CFAP97: variants seen among roughly 807,000 people sequenced by gnomAD.
CFAP97 encodes the protein cilia and flagella associated protein 97.
CFAP97 carries 36 observed loss-of-function variants against 43.1 expected under a neutral mutation model. The ratio of observed to expected loss-of-function variants is 0.84; its 90% confidence interval spans 0.64 to 1.10. The LOEUF is 1.10. Ranked by LOEUF, CFAP97 falls within the 50% of genes least tolerant of loss-of-function variation. The pLI is 0.00. For missense variants in CFAP97, 657 were observed against 620.3 expected (o/e 1.06, Z -0.63); for synonymous variants, 228 against 225.7 (o/e 1.01, Z -0.09).
At chr4:185,176,574 G>A (rs781478831) in intron 2 of CFAP97, among the ~76,000 whole-genome samples, 3 of 152,196 alleles carry the variant, frequency 2.0e-5, no homozygotes, top group East Asian at 1.9e-4. Flanking sequence ...AGCTACACAC[G>A]AAACAATGAA....
At position 185,162,847 on chromosome 4, in the gene CFAP97, T is replaced by C. The variant is rs751405435; in HGVS notation, c.1550A>G (p.His517Arg). 1.5e-5 allele frequency: 24 copies of C among 1,612,682 alleles called. No individual in the cohort carries two copies. Among genetic ancestry groups the C allele is most frequent in the Admixed American group, 3.3e-5 (2 of 59,802 alleles). ...ERSAVDPSSGHPRRRPKPPNV... is the reference protein window; with the variant it reads ...ERSAVDPSSGRPRRRPKPPNV... Reference sequence around the variant, plus strand: ...AGGGGGTTTAGGTCTTCTTCGAGGGTGGCCACTGGAGGGGTCAACCGCTGA... The same window carrying C: ...AGGGGGTTTAGGTCTTCTTCGAGGGCGGCCACTGGAGGGGTCAACCGCTGA... The change falls in exon 5 of 5, where the codon CAC becomes CGC. Residue 517 changes from histidine (H) to arginine (R), a missense_variant. Transcript: ENST00000458385.
chr4:185,162,995 C>T (rs1734926334), intron 4 of CFAP97, 70 bp from the exon 5 acceptor site: 2 of 1,384,346 alleles, frequency 1.4e-6, no homozygotes, highest in African/African-American at 1.5e-5. Context: ...GTTTTTCTTC[C>T]ACATTCTATG....
chr4:185,186,691 A>G (rs1436366183), intron 2 of CFAP97, among the ~76,000 whole-genome samples: 1 of 152,168 alleles, frequency 6.6e-6, no homozygotes, highest in Non-Finnish European at 1.5e-5. Context: ...CACCTTTTTC[A>G]TGACATACAT....
At chr4:185,181,581 T>C (rs1735792726) in intron 2 of CFAP97, among the ~76,000 whole-genome samples, 1 of 152,140 alleles carries the variant, frequency 6.6e-6, no homozygotes, top group Non-Finnish European at 1.5e-5. Context: ...CGCCTCGGCC[T>C]CCCAAAGTGC....
At position 185,179,382 on chromosome 4, in the gene CFAP97, C is replaced by A. The variant is rs554023071; in HGVS notation, c.1055-3331G>T. ...CCCATTAAGAAGTAGAGGTTTATGC[C>A]CTTTTGCGTTAAATCTGGGAGGGTT... On this transcript the variant is annotated intron_variant, in intron 2 of 4. Coordinates refer to ENST00000458385, the MANE Select transcript of CFAP97 (RefSeq NM_020827.3). 1.4e-4 allele frequency among the ~76,000 whole-genome samples: 22 copies of A among 151,996 alleles called. No homozygotes were observed. The South Asian group carries it at 4.4e-3, about 30-fold the overall frequency.
At chr4:185,198,641 T>C (rs761334462) in intron 1 of CFAP97, among the ~76,000 whole-genome samples, 2 of 148,512 alleles carry the variant, frequency 1.3e-5, no homozygotes, top group African/African-American at 2.5e-5. Flanking sequence ...AATACAAAAT[T>C]AGCCGGGTGT....
rs200536397 is a variant in CFAP97, at chr4:185,190,592, G to A, written c.605C>T (p.Pro202Leu). The change falls in exon 2 of 5, where the codon CCG becomes CTG. Residue 202 changes from proline to leucine, a missense_variant. Transcript: ENST00000458385. Reference protein sequence around the residue: ...GSDSHLSDSSPSSKSSKKHVS... With the variant: ...GSDSHLSDSSLSSKSSKKHVS... ...ATGTTTCTTAGATGACTTAGATGACGGAGACGAATCAGATAGATGGCTATC... is the reference window on the plus strand; with the variant it reads ...ATGTTTCTTAGATGACTTAGATGACAGAGACGAATCAGATAGATGGCTATC... 77 of 1,612,454 alleles carry A rather than the reference G, an allele frequency of 4.8e-5. No homozygotes were observed. Among genetic ancestry groups the A allele is most frequent in the Non-Finnish European group, 6.2e-5 (73 of 1,179,158 alleles).
intron 3 of CFAP97, among the ~76,000 whole-genome samples, chr4:185,164,624 T>A (rs1411397843): frequency 6.6e-6 from 1 of 152,108 alleles, no homozygotes; most frequent in Admixed American, 6.6e-5. Context: ...TTTCTGCATA[T>A]CACTAGAGAC....
At chr4:185,182,919 G>A (rs1170277136) in intron 2 of CFAP97, among the ~76,000 whole-genome samples, 1 of 151,618 alleles carries the variant, frequency 6.6e-6, no homozygotes, top group African/African-American at 2.4e-5. Context: ...GGCCAACATG[G>A]TGAAACCCCG....
intron 1 of CFAP97, among the ~76,000 whole-genome samples, chr4:185,192,620 G>GTT (rs56979147): frequency 6.6e-6 from 1 of 150,856 alleles, no homozygotes; most frequent in Non-Finnish European, 1.5e-5. Flanking sequence ...TTAAAAAATG[G>GTT]TTTTTTTTAT....
chr4:185,199,598 AG>A (rs1736733162), intron 1 of CFAP97, among the ~76,000 whole-genome samples: 1 of 151,848 alleles, frequency 6.6e-6, no homozygotes, highest in East Asian at 1.9e-4. Flanking sequence ...TGAACCCAGG[AG>A]GTGGAGGTTG....
chr4:185,180,038 T>A (rs61314866), intron 2 of CFAP97, among the ~76,000 whole-genome samples: 10 of 152,174 alleles, frequency 6.6e-5, no homozygotes, highest in African/African-American at 2.2e-4. Context: ...GAGTTCTATG[T>A]TGTATATTAA....
upstream of CFAP97, chr4:185,204,601 C>G (rs1306740166): frequency 2.0e-5 from 3 of 152,252 alleles, no homozygotes; most frequent in African/African-American, 7.2e-5. Context: ...CCCCACAACA[C>G]GTGAATATGT....
chr4:185,202,034 T>C (rs967325809), intron 1 of CFAP97, among the ~76,000 whole-genome samples: 1 of 117,262 alleles, frequency 8.5e-6, no homozygotes, highest in Non-Finnish European at 2.0e-5. Flanking sequence ...AGGATTTTTG[T>C]TTTTCCCCCC....
At chr4:185,171,794 T>C (rs1415497264) in intron 3 of CFAP97, among the ~76,000 whole-genome samples, 1 of 152,134 alleles carries the variant, frequency 6.6e-6, no homozygotes, top group East Asian at 1.9e-4. Context: ...GAGGCAGAGG[T>C]GGAGTGATCA....
At chr4:185,185,116 C>T (rs1002278535) in intron 2 of CFAP97, among the ~76,000 whole-genome samples, 1 of 152,104 alleles carries the variant, frequency 6.6e-6, no homozygotes, top group African/African-American at 2.4e-5. Flanking sequence ...TTTATAAGAA[C>T]AATACTTTTT....
intron 1 of CFAP97, among the ~76,000 whole-genome samples, chr4:185,198,100 G>T (rs113433019): frequency 0.035 from 5,338 of 152,206 alleles, 308 homozygotes; most frequent in African/African-American, 0.12. Context: ...AGGTAAAGAC[G>T]ATGTAGAAAT....
Position 185,176,103 on chromosome 4 carries a change from T to C in CFAP97, c.1055-52A>G, listed in dbSNP as rs372105448. 2.3e-5 allele frequency: 30 copies of C among 1,329,518 alleles called. No individual in the cohort carries two copies. The African/African-American group carries it at 4.5e-4, about 20-fold the overall frequency. 82.4% of individuals were successfully genotyped at this position (1,329,518 alleles called of 1,614,324 possible). A position where few individuals can be genotyped will look rare whatever the true frequency, so the allele number is the denominator to read the frequency against. On this transcript the variant is annotated intron_variant, in intron 2 of 4. Coordinates refer to ENST00000458385, the MANE Select transcript of CFAP97 (RefSeq NM_020827.3). ...GAAAATGGCCAAAGTAAGTATGTGG[T>C]ACATGCTTTTTTTTTTTTTCTCTTT...
In CFAP97 at chr4:185,190,965, C is replaced by G. The variant is rs1459680031; in HGVS notation, c.232G>C (p.Glu78Gln). ...GNERNVKFPP[E>Q]HPVENDVTQT... ...GTAACATCATTCTCTACGGGGTGTT[C>G]TGGGGGAAATTTCACGTTTCTTTCA... Residue 78 changes from glutamate to glutamine, a missense_variant, in exon 2 of 5, where the codon GAA (glutamate) becomes CAA (glutamine). By Grantham distance (29) the Glu-to-Gln change is conservative (BLOSUM62 2). Transcript: ENST00000458385. 8.7e-6 allele frequency: 14 copies of G among 1,613,588 alleles called. No individual in the cohort carries two copies. Among genetic ancestry groups the G allele is most frequent in the African/African-American group, 1.3e-5 (1 of 74,904 alleles).
Sources: allele counts gnomAD v4.1 joint callset (sites outside exome capture counted in the v4.1 genomes callset), GRCh38; gene constraint gnomAD v4.1.1; transcripts MANE v1.5; gene names NCBI Gene and HGNC (gene_info 2026-07-23, HGNC 2026-07-21).